Variants in ABCC4 observed in about 807,000 individuals in gnomAD.
ABCC4 encodes ATP-binding cassette sub-family C member 4.
In ABCC4, 102 loss-of-function variants were observed where a neutral mutation model predicts 168.5. That is an observed-to-expected ratio of 0.61 (90% CI 0.52 to 0.71). ABCC4 has a LOEUF of 0.71. Among genes scored for constraint, ABCC4 ranks in the 30% least tolerant of loss-of-function variants. The pLI is 0.00. For synonymous variants in ABCC4, 617 were observed against 590.7 expected, an observed-to-expected ratio of 1.04 and a Z score of -0.65; for missense variants, 1,402 against 1,605.8, an observed-to-expected ratio of 0.87 and a Z score of 2.17.
At chr13:95,177,439 T>A (rs1253674447) in intron 13 of ABCC4, among the ~76,000 whole-genome samples, 5 of 152,164 alleles carry the variant, frequency 3.3e-5, no homozygotes, top group African/African-American at 7.2e-5. Context: ...GGGGAAAACT[T>A]GCAAAATTTG....
At chr13:95,126,817 AT>A (rs536573475) in intron 19 of ABCC4, among the ~76,000 whole-genome samples, 1 of 39,308 alleles carries the variant, frequency 2.5e-5, no homozygotes, top group African/African-American at 6.1e-5. Context: ...TAAGTACACC[AT>A]ATATATTTAT....
At chr13:95,129,079 T>C (rs1427458696) in intron 19 of ABCC4, among the ~76,000 whole-genome samples, 1 of 152,222 alleles carries the variant, frequency 6.6e-6, no homozygotes, top group African/African-American at 2.4e-5. Context: ...GATTTGAATC[T>C]GAATGAGAGA....
intron 6 of ABCC4, among the ~76,000 whole-genome samples, chr13:95,208,889 G>GGATTACA (rs1594301565): frequency 6.6e-6 from 1 of 151,952 alleles, no homozygotes; most frequent in Admixed American, 6.6e-5. Context: ...CAAAGTGTTG[G>GGATTACA]GATTACAGGC....
chr13:95,284,580 C>T (rs982763252), intron 1 of ABCC4, among the ~76,000 whole-genome samples: 1 of 152,206 alleles, frequency 6.6e-6, no homozygotes, highest in African/African-American at 2.4e-5. Context: ...TGTCTAGCAG[C>T]TACACAGATG....
intron 5 of ABCC4, among the ~76,000 whole-genome samples, chr13:95,210,294 C>G (rs1362102738): frequency 6.6e-6 from 1 of 152,206 alleles, no homozygotes; most frequent in Non-Finnish European, 1.5e-5. Context: ...GCCTGCGCAA[C>G]AAGGCGTGAT....
chr13:95,246,865 T>A, intron 3 of ABCC4, 110 bp downstream of exon 3: 1 of 1,283,588 alleles, frequency 7.8e-7, no homozygotes, highest in South Asian at 1.4e-5. Flanking sequence ...TCAAACCCCA[T>A]CTGGCCACTT....
At chr13:95,201,067 C>T (rs931232724) in intron 8 of ABCC4, among the ~76,000 whole-genome samples, 23 of 152,198 alleles carry the variant, frequency 1.5e-4, no homozygotes, top group African/African-American at 5.1e-4. Context: ...TAGGCCCACC[C>T]TCCCACCAGA....
At chr13:95,206,390 A>G in intron 8 of ABCC4, 142 bp downstream of exon 8, 2 of 1,112,778 alleles carry the variant, frequency 1.8e-6, no homozygotes, top group Non-Finnish European at 2.6e-6. Flanking sequence ...AGGGAAGTAC[A>G]CACAACATTC....
intron 19 of ABCC4, among the ~76,000 whole-genome samples, chr13:95,147,360 T>C (rs1290157060): frequency 6.6e-6 from 1 of 152,248 alleles, no homozygotes; most frequent in Non-Finnish European, 1.5e-5. Context: ...ACATAATTTA[T>C]AGTTTACAAG....
Position 95,083,153 on chromosome 13 carries a change from G to A in ABCC4, c.2673C>T (p.Arg891=). Residue 891 remains arginine (R), a synonymous_variant, in exon 21 of 31, where the codon CGC becomes CGT. Coordinates refer to ENST00000645237, the MANE Select transcript of ABCC4 (RefSeq NM_005845.5). The part of the protein sequence containing the change: ...YFLETSRDVK[R]LESTTRSPVF... Reference sequence around the variant, plus strand: ...TTCCATACTCACTTGTAGATTCCAGGCGCTTCACATCTCTTGACGTTTCCA... The same window carrying A: ...TTCCATACTCACTTGTAGATTCCAGACGCTTCACATCTCTTGACGTTTCCA... The A allele has an allele frequency of 6.2e-7, 1 of 1,613,578 alleles. No individual in the cohort carries two copies.
In ABCC4 at chr13:95,021,493, T is replaced by TA. The variant is rs2031080928; in HGVS notation, c.*81dup. 7.7e-5 allele frequency: 71 copies of TA among 926,286 alleles called. No individual in the cohort carries two copies. The highest frequency in any genetic ancestry group is 1.0e-4 in the East Asian group (4 of 40,040). 57.4% of individuals were successfully genotyped at this position (926,286 alleles called of 1,614,324 possible). ...TATGTATAAATATTTGTTGCCAAAG[T>TA]AAAAAAAAGTACAATGTGGTTTACA... On this transcript the variant is annotated 3_prime_UTR_variant, in exon 31 of 31. Transcript: ENST00000645237.
At chr13:95,278,405 G>A (rs781008539) in intron 1 of ABCC4, among the ~76,000 whole-genome samples, 73 of 152,048 alleles carry the variant, frequency 4.8e-4, no homozygotes, top group Non-Finnish European at 9.3e-4. Context: ...GATTCTCCTG[G>A]GCCAACTGGT....
At chr13:95,126,763 A>ATATATATATTTAAGTACACCATATATATT (rs2035788340) in intron 19 of ABCC4, among the ~76,000 whole-genome samples, 1 of 45,668 alleles carries the variant, frequency 2.2e-5, no homozygotes, top group African/African-American at 5.2e-5. Flanking sequence ...ATTCCAAAAT[A>ATATATATATTTAAGTACACCATATATATT]TATATATATT....
chr13:95,122,802 T>G (rs2035620281), intron 19 of ABCC4, among the ~76,000 whole-genome samples: 1 of 145,606 alleles, frequency 6.9e-6, no homozygotes, highest in Non-Finnish European at 1.5e-5. Flanking sequence ...CGGATAACTG[T>G]GCTGCTTTTC....
intron 13 of ABCC4, among the ~76,000 whole-genome samples, chr13:95,171,664 C>T (rs897552920): frequency 1.1e-4 from 16 of 152,166 alleles, no homozygotes; most frequent in African/African-American, 3.9e-4. Context: ...CCCTGTCCTC[C>T]AGTCTTCCTC....
chr13:95,207,242 G>A (rs1348430136), intron 7 of ABCC4, among the ~76,000 whole-genome samples: 1 of 152,054 alleles, frequency 6.6e-6, no homozygotes, highest in Non-Finnish European at 1.5e-5. Flanking sequence ...TGGCCAGGCT[G>A]GTCTCAAACT....
At chr13:95,298,155 G>A (rs926690169) in intron 1 of ABCC4, among the ~76,000 whole-genome samples, 21 of 152,016 alleles carry the variant, frequency 1.4e-4, no homozygotes, top group Admixed American at 1.4e-3. Flanking sequence ...TGGGTGTGAG[G>A]GTGCACGCCT....
intron 20 of ABCC4, among the ~76,000 whole-genome samples, chr13:95,085,279 G>GA (rs56064313): frequency 2.7e-5 from 4 of 147,870 alleles, no homozygotes; most frequent in African/African-American, 7.5e-5. Context: ...TCTCTACTGA[G>GA]AAAAAAAAAA....
intron 19 of ABCC4, among the ~76,000 whole-genome samples, chr13:95,159,132 T>TATATATATATATAA (rs1486901839): frequency 2.4e-5 from 3 of 124,390 alleles, no homozygotes; most frequent in Admixed American, 7.9e-5. Context: ...TATATATATA[T>TATATATATATATAA]AACTATTGAA....
Sources: gnomAD v4.1 joint callset for allele counts (sites outside exome capture counted in the v4.1 genomes callset) on GRCh38, gnomAD v4.1.1 for gene constraint, MANE v1.5 for transcripts, NCBI Gene and HGNC (gene_info 2026-07-23, HGNC 2026-07-21) for gene names.